SPAG9: variants seen among roughly 807,000 people sequenced by gnomAD.
The protein encoded by SPAG9 is sperm associated antigen 9, also known as C-Jun-amino-terminal kinase-interacting protein 4.
A neutral mutation model predicts 166.5 loss-of-function variants in SPAG9; 35 were observed. That is an observed-to-expected ratio of 0.21 (90% CI 0.16 to 0.28). The LOEUF is 0.28. Among genes scored for constraint, SPAG9 ranks in the 10% least tolerant of loss-of-function variants. The pLI, the probability that SPAG9 is intolerant of heterozygous loss-of-function variation, is 1.00. For missense variants in SPAG9, 1,235 were observed against 1,603.3 expected, an observed-to-expected ratio of 0.77 and a Z score of 3.92; for synonymous variants, 534 against 565.5, an observed-to-expected ratio of 0.94 and a Z score of 0.79.
At chr17:51,046,993 C>G in intron 4 of SPAG9, 1 of 1,301,604 alleles carries the variant, frequency 7.7e-7, no homozygotes. Context: ...CACTCCTACA[C>G]CAAACAGATG....
At chr17:51,107,642 C>A (rs2048990849) in intron 1 of SPAG9, among the ~76,000 whole-genome samples, 1 of 151,312 alleles carries the variant, frequency 6.6e-6, no homozygotes, top group Admixed American at 6.6e-5. Flanking sequence ...GAGGCTGAGG[C>A]AGGAGAATTG....
chr17:50,982,875 T>C (rs1173312964), intron 24 of SPAG9, among the ~76,000 whole-genome samples: 1 of 152,332 alleles, frequency 6.6e-6, no homozygotes, highest in Non-Finnish European at 1.5e-5. Flanking sequence ...GGTCATCTGC[T>C]TCAAAGTGCC....
At chr17:51,095,986 T>G (rs866979090) in intron 1 of SPAG9, among the ~76,000 whole-genome samples, 1 of 115,472 alleles carries the variant, frequency 8.7e-6, no homozygotes. Context: ...TATATATATA[T>G]ATAGTGATAT....
chr17:51,086,409 G>A (rs1415465789), intron 1 of SPAG9, among the ~76,000 whole-genome samples: 1 of 152,020 alleles, frequency 6.6e-6, no homozygotes, highest in East Asian at 1.9e-4. Flanking sequence ...GGGAGGCCGA[G>A]GTGGGCAGAC....
chr17:51,029,797 A>G (rs2046320648), intron 6 of SPAG9, among the ~76,000 whole-genome samples: 1 of 152,220 alleles, frequency 6.6e-6, no homozygotes, highest in Admixed American at 6.5e-5. Context: ...TAATGAGTGC[A>G]GAGTTTTAGA....
chr17:50,993,492 T>C (rs1472322653), intron 19 of SPAG9, among the ~76,000 whole-genome samples: 2 of 152,250 alleles, frequency 1.3e-5, no homozygotes, highest in African/African-American at 4.8e-5. Flanking sequence ...TCCAAAACTT[T>C]AGAAGACCTT....
At chr17:51,041,335 A>T (rs548029898) in intron 5 of SPAG9, among the ~76,000 whole-genome samples, 166 bp downstream of exon 5, 1 of 152,218 alleles carries the variant, frequency 6.6e-6, no homozygotes, top group African/African-American at 2.4e-5. Flanking sequence ...ATAGTAAAAA[A>T]CACACTCTTT....
intron 15 of SPAG9, 23 bp downstream of exon 15, chr17:50,998,421 T>G: frequency 6.3e-7 from 1 of 1,596,246 alleles, no homozygotes; most frequent in Non-Finnish European, 8.6e-7. Flanking sequence ...TAGAATATAA[T>G]GATTAATTTG....
chr17:51,056,952 G>A (rs1027633819), intron 2 of SPAG9, among the ~76,000 whole-genome samples: 2 of 152,010 alleles, frequency 1.3e-5, no homozygotes, highest in Non-Finnish European at 2.9e-5. Flanking sequence ...CTGCTGATGG[G>A]TTTTGTGAGT....
chr17:51,065,754 A>T (rs1234373691), intron 2 of SPAG9, among the ~76,000 whole-genome samples: 1 of 152,140 alleles, frequency 6.6e-6, no homozygotes, highest in Non-Finnish European at 1.5e-5. Flanking sequence ...ATAGCCACTG[A>T]AGTAGTAGTA....
chr17:51,022,687 G>A (rs938054634), intron 6 of SPAG9, among the ~76,000 whole-genome samples: 1 of 151,226 alleles, frequency 6.6e-6, no homozygotes, highest in Non-Finnish European at 1.5e-5. Flanking sequence ...AGTGGCTCAC[G>A]CCTGTAATCC....
intron 2 of SPAG9, among the ~76,000 whole-genome samples, chr17:51,063,294 C>T (rs2047568699): frequency 6.6e-6 from 1 of 151,768 alleles, no homozygotes. Flanking sequence ...TGCCTGTAAT[C>T]TCAGCTACTT....
At chr17:51,082,488 T>G (rs2144651897) in intron 1 of SPAG9, among the ~76,000 whole-genome samples, 1 of 152,062 alleles carries the variant, frequency 6.6e-6, no homozygotes, top group East Asian at 1.9e-4. Flanking sequence ...TTTTAGTAAT[T>G]AATGTTACTT....
Position 51,004,701 on chromosome 17 carries a change from G to T in SPAG9, c.1476+511C>A, listed in dbSNP as rs181010760. ...GCTGAGATCGCAGAACTGCACTCCA[G>T]CCTCGGTGACAGACTGAGACTCTGT... On this transcript the variant is annotated intron_variant, in intron 12 of 29. Transcript: ENST00000262013. Among the ~76,000 whole-genome samples, 6 of 152,212 alleles carry T rather than the reference G, an allele frequency of 3.9e-5. No individual in the cohort carries two copies. In the East Asian group the frequency reaches 1.2e-3, roughly 29 times the overall value.
intron 6 of SPAG9, among the ~76,000 whole-genome samples, chr17:51,026,658 CT>C (rs1174334508): frequency 6.8e-6 from 1 of 147,128 alleles, no homozygotes. Context: ...GGGTTGAGCC[CT>C]TTTCTTTTTC....
intron 3 of SPAG9, 118 bp downstream of exon 3, chr17:51,056,294 C>A: frequency 1.5e-6 from 1 of 671,034 alleles, no homozygotes; most frequent in Non-Finnish European, 2.6e-6. Context: ...TGAAAGAATC[C>A]CCAAGAATTA....
In SPAG9 at chr17:51,084,220, T is replaced by G. The variant is rs12326011; in HGVS notation, c.304-4516A>C. ...GCAAGCAGATGATGTAAGGTTACGT[T>G]AAATAGAAAAGCAGAAACTATGAAG... On this transcript the variant is annotated intron_variant, in intron 1 of 29. Transcript: ENST00000262013. 5.3e-5 allele frequency: 8 copies of G among 152,010 alleles called. No homozygotes were observed. The East Asian group carries it at 1.5e-3, about 29-fold the overall frequency. 9.4% of individuals were successfully genotyped at this position (152,010 alleles called of 1,614,324 possible). A position where few individuals can be genotyped will look rare whatever the true frequency, so the allele number is the denominator to read the frequency against.
At position 51,094,288 on chromosome 17, in the gene SPAG9, T is replaced by G. The variant is rs949093465; in HGVS notation, c.304-14584A>C. ...GATAATTAAGAATTATAAGGCACTT[T>G]AAGTTCTAGCCTGAAAGAGAGAAAC... On this transcript the variant is annotated intron_variant, in intron 1 of 29. Transcript: ENST00000262013. Among the ~76,000 whole-genome samples the G allele has an allele frequency of 3.3e-5, 5 of 152,218 alleles. No individual in the cohort carries two copies. In the South Asian group the frequency reaches 1.0e-3, roughly 32 times the overall value.
rs924281672 is a variant in SPAG9, at chr17:50,965,939, G to C, written c.*333C>G. On this transcript the variant is annotated 3_prime_UTR_variant, in exon 30 of 30. Coordinates refer to ENST00000262013, the MANE Select transcript of SPAG9 (RefSeq NM_001130528.3). ...TTCCATTATTAGTGACAGCTAACAA[G>C]TGACCCCATCAAATGAAGTGAATGA... 1 of 221,690 alleles carries C rather than the reference G, an allele frequency of 4.5e-6. No individual in the cohort carries two copies. Among genetic ancestry groups the C allele is most frequent in the Non-Finnish European group, 9.3e-6 (1 of 107,360 alleles). The allele number at this position is 221,690 out of a possible 1,614,324, so 13.7% of individuals were successfully genotyped here. A position where few individuals can be genotyped will look rare whatever the true frequency, so the allele number is the denominator to read the frequency against.
Sources: gnomAD v4.1 joint callset for allele counts (sites outside exome capture counted in the v4.1 genomes callset) on GRCh38, gnomAD v4.1.1 for gene constraint, MANE v1.5 for transcripts, NCBI Gene and HGNC (gene_info 2026-07-23, HGNC 2026-07-21) for gene names.